SPARC: variants seen among roughly 807,000 people sequenced by gnomAD.
The protein encoded by SPARC is secreted protein acidic and cysteine rich, also known as basement-membrane protein 40.
SPARC carries 23 observed loss-of-function variants against 37.7 expected under a neutral mutation model. The observed-to-expected ratio is 0.61, with a 90% CI of 0.44 to 0.87. The LOEUF (loss-of-function observed/expected upper bound fraction) is 0.87, where lower values mean the gene tolerates loss of function less well. Among genes scored for constraint, SPARC ranks in the 40% least tolerant of loss-of-function variants. The pLI is 0.00. For synonymous variants in SPARC, 155 were observed against 150.8 expected (o/e 1.03, Z -0.20); for missense variants, 312 against 389.0 (o/e 0.80, Z 1.66).
In SPARC at chr5:151,667,501, T is replaced by C. The variant is rs1581520960; in HGVS notation, c.551A>G (p.Asp184Gly). Residue 184 changes from aspartate to glycine, a missense_variant, in exon 7 of 10, where the codon GAC (aspartate) becomes GGC (glycine). Transcript: ENST00000231061. Reference protein sequence around the residue: ...VLVTLYERDEDNNLLTEKQKL... With the variant: ...VLVTLYERDEGNNLLTEKQKL... ...CTGCTTCTCAGTCAGAAGGTTGTTGTCCTCATCCCTCTCATACAGGGTGAC... is the reference window on the plus strand; with the variant it reads ...CTGCTTCTCAGTCAGAAGGTTGTTGCCCTCATCCCTCTCATACAGGGTGAC... 2.5e-6 allele frequency: 4 copies of C among 1,614,210 alleles called. No homozygotes were observed. Among genetic ancestry groups the C allele is most frequent in the Non-Finnish European group, 3.4e-6 (4 of 1,180,028 alleles).
rs1760622331 is a variant in SPARC at position 151,666,457 on chromosome 5, A to G, written c.638T>C (p.Val213Ala). 6.2e-7 allele frequency: 1 copy of G among 1,614,048 alleles called. No individual in the cohort carries two copies. Among genetic ancestry groups the G allele is most frequent in the Non-Finnish European group, 8.5e-7 (1 of 1,180,006 alleles). The change falls in exon 8 of 10, where the codon GTG (valine) becomes GCG (alanine). Residue 213 changes from valine (V) to alanine (A), a missense_variant. Transcript: ENST00000231061. ...EKRLEAGDHPVELLARDFEKN... is the reference protein window; with the variant it reads ...EKRLEAGDHPAELLARDFEKN... Reference sequence around the variant, plus strand: ...CTCGAAGTCCCGGGCCAGCAGCTCCACGGGGTGGTCTCCTGCCTCCAGGCG... The same window carrying G: ...CTCGAAGTCCCGGGCCAGCAGCTCCGCGGGGTGGTCTCCTGCCTCCAGGCG...
chr5:151,666,536 A>T, intron 7 of SPARC, 27 bp from the exon 8 acceptor site: 1 of 1,609,652 alleles, frequency 6.2e-7, no homozygotes, highest in Non-Finnish European at 8.5e-7. Context: ...TGTGTGTGAC[A>T]AGAGGTCCAT....
intron 1 of SPARC, among the ~76,000 whole-genome samples, chr5:151,681,725 C>T (rs1760996267): frequency 6.6e-6 from 1 of 152,158 alleles, no homozygotes; most frequent in African/African-American, 2.4e-5. Flanking sequence ...AACCCCGTCT[C>T]TACTAAAAAT....
rs1274276629 is a variant in SPARC, at chr5:151,674,675, CT to C, written c.58-2del. ...TCTCATCAGGCAGGGCTTCTTGCTG[CT>C]GTTGGAAAGAGAAAGTAGCGTTCAG... On this transcript the variant is annotated splice_acceptor_variant, in intron 2 of 9. Coordinates refer to ENST00000231061, the MANE Select transcript of SPARC (RefSeq NM_003118.4). LOFTEE classifies it high-confidence loss of function. The C allele has an allele frequency of 6.2e-7, 1 of 1,614,128 alleles. No homozygotes were observed. The highest frequency in any genetic ancestry group is 1.1e-5 in the South Asian group (1 of 91,078).
At chr5:151,663,709 G>T in intron 9 of SPARC, 110 bp from the exon 10 acceptor site, 2 of 1,018,108 alleles carry the variant, frequency 2.0e-6, no homozygotes, top group South Asian at 1.3e-5. Flanking sequence ...GGTCTAGGTG[G>T]CCATGCAAGG....
intron 1 of SPARC, among the ~76,000 whole-genome samples, chr5:151,681,317 C>G (rs1760982167): frequency 6.6e-6 from 1 of 152,192 alleles, no homozygotes; most frequent in African/African-American, 2.4e-5. Context: ...GACACAGCAG[C>G]TCAGAGGTGG....
In SPARC at chr5:151,663,534, G is replaced by T; in HGVS notation, c.*37C>A. 1.2e-6 allele frequency: 2 copies of T among 1,600,750 alleles called. No individual in the cohort carries two copies. Among genetic ancestry groups the T allele is most frequent in the Non-Finnish European group, 1.7e-6 (2 of 1,168,054 alleles). On this transcript the variant is annotated 3_prime_UTR_variant, in exon 10 of 10. Coordinates refer to ENST00000231061, the MANE Select transcript of SPARC (RefSeq NM_003118.4). Reference sequence around the variant, plus strand: ...CATTGGGGGAAACACGAAGGGGAGGGTTAAAGAGAGAATCCGGTACTGTGG... The same window carrying T: ...CATTGGGGGAAACACGAAGGGGAGGTTTAAAGAGAGAATCCGGTACTGTGG...
chr5:151,671,749 C>G (rs887979651), intron 4 of SPARC, 55 bp from the exon 5 acceptor site: 97 of 1,605,722 alleles, frequency 6.0e-5, no homozygotes, highest in Non-Finnish European at 7.9e-5. Context: ...ACATCCACCC[C>G]CATCCTACCT....
intron 1 of SPARC, chr5:151,685,775 A>C (rs1761124982): frequency 6.6e-6 from 1 of 152,206 alleles, no homozygotes. Context: ...CTAATGAAAA[A>C]AATGCTGTCC....
In SPARC at chr5:151,666,386, G is replaced by A. The variant is rs1046675651; in HGVS notation, c.709C>T (p.Gln237Ter). The A allele has an allele frequency of 6.2e-7, 1 of 1,614,106 alleles. No individual in the cohort carries two copies. Among genetic ancestry groups the A allele is most frequent in the South Asian group, 1.1e-5 (1 of 91,066 alleles). ...YIFPVHWQFG[Q>*]LDQHPIDGYL... ...CCGTCAATGGGGTGCTGGTCCAGCT[G>A]GCCGAACTGCCAGTGTACAGGGAAG... Residue 237 changes from glutamine (Q) to a stop codon, truncating the protein, a stop_gained, in exon 8 of 10, where the codon CAG becomes TAG. Transcript: ENST00000231061. LOFTEE classifies it high-confidence loss of function.
chr5:151,667,382 C>T lies in SPARC; in HGVS notation c.585+85G>A, dbSNP rs908795094. 3.3e-6 allele frequency: 5 copies of T among 1,518,874 alleles called. No individual in the cohort carries two copies. In the Admixed American group the frequency reaches 6.7e-5, roughly 20 times the overall value. 94.1% of individuals were successfully genotyped at this position (1,518,874 alleles called of 1,614,324 possible). A position where few individuals can be genotyped will look rare whatever the true frequency, so the allele number is the denominator to read the frequency against. On this transcript the variant is annotated intron_variant, in intron 7 of 9. Coordinates refer to ENST00000231061, the MANE Select transcript of SPARC (RefSeq NM_003118.4). ...TAAATGCACGCTCCGGAGCAGGATG[C>T]CGCCCTGCAGCTGGGGGCCCAGTTC... is the stretch of plus-strand genomic sequence containing the variant.
intron 8 of SPARC, among the ~76,000 whole-genome samples, chr5:151,665,257 G>A (rs1288790915): frequency 1.3e-5 from 2 of 152,156 alleles, no homozygotes; most frequent in African/African-American, 2.4e-5. Context: ...CTCCCTCCAG[G>A]CCCTCTGTTG....
At chr5:151,684,406 TAGAAC>T (rs1271481055) in intron 1 of SPARC, among the ~76,000 whole-genome samples, 1 of 147,768 alleles carries the variant, frequency 6.8e-6, no homozygotes, top group African/African-American at 2.5e-5. Context: ...CACTGGGAGT[TAGAAC>T]ACACTTTTTT....
intron 5 of SPARC, among the ~76,000 whole-genome samples, chr5:151,671,028 T>A (rs1027650370): frequency 6.6e-6 from 1 of 152,134 alleles, no homozygotes; most frequent in Admixed American, 6.5e-5. Context: ...GATGGATGGA[T>A]CCTATTGGAG....
chr5:151,677,434 T>G (rs1447902013), intron 1 of SPARC, among the ~76,000 whole-genome samples: 1 of 152,142 alleles, frequency 6.6e-6, no homozygotes, highest in Non-Finnish European at 1.5e-5. Flanking sequence ...CCCTTATTTC[T>G]TCCAAGACTT....
intron 6 of SPARC, 108 bp downstream of exon 6, chr5:151,669,556 A>T: frequency 7.7e-7 from 1 of 1,295,022 alleles, no homozygotes; most frequent in Non-Finnish European, 1.1e-6. Flanking sequence ...AGAAAGGGAG[A>T]GAGATTTGCC....
In SPARC at chr5:151,684,022, T is replaced by C. The variant is rs181373240; in HGVS notation, c.-14+2843A>G. ...ACTGTTTACCTCACATCCTCAGCTC[T>C]TTCCTTTCCTTCACCATTCTTTCTT... On this transcript the variant is annotated intron_variant, in intron 1 of 9. Coordinates refer to ENST00000231061, the MANE Select transcript of SPARC (RefSeq NM_003118.4). 6.6e-5 allele frequency among the ~76,000 whole-genome samples: 10 copies of C among 152,370 alleles called. No homozygotes were observed. In the East Asian group the frequency reaches 1.5e-3, roughly 23 times the overall value.
chr5:151,671,654 G>A lies in SPARC; in HGVS notation c.249C>T (p.Cys83=), dbSNP rs767259382. The A allele has an allele frequency of 3.7e-6, 6 of 1,612,822 alleles. No individual in the cohort carries two copies. The highest frequency in any genetic ancestry group is 2.2e-5 in the South Asian group (2 of 90,980). ...TGGGGGTGTTGTTCTCATCCAGCTC[G>A]CACACCTTGCCGTGTTTGCAGTGGT... is the stretch of plus-strand genomic sequence containing the variant. ...QNHHCKHGKV[C]ELDENNTPMC... The change falls in exon 5 of 10, where the codon TGC becomes TGT. Residue 83 remains cysteine (C), a synonymous_variant. Transcript: ENST00000231061.
Position 151,667,598 on chromosome 5 carries a change from T to G in SPARC, c.454A>C (p.Ile152Leu), listed in dbSNP as rs887258352. 2 of 1,614,018 alleles carry G rather than the reference T, an allele frequency of 1.2e-6. No homozygotes were observed. The highest frequency in any genetic ancestry group is 1.7e-6 in the Non-Finnish European group (2 of 1,179,982). The part of the protein sequence containing the change: ...HLDYIGPCKY[I>L]PPCLDSELTE... ...AGCTCAGAGTCCAGGCAAGGGGGGA[T>G]GTCTAGGTTCCAAACACAAGGGCGG... Residue 152 changes from isoleucine to leucine, a missense_variant and splice_region_variant, in exon 7 of 10, where the codon ATC becomes CTC. Ile to Leu is a conservative substitution (Grantham distance 5). Coordinates refer to ENST00000231061, the MANE Select transcript of SPARC (RefSeq NM_003118.4).
Sources: allele counts gnomAD v4.1 joint callset (sites outside exome capture counted in the v4.1 genomes callset), GRCh38; gene constraint gnomAD v4.1.1; transcripts MANE v1.5; gene names NCBI Gene and HGNC (gene_info 2026-07-23, HGNC 2026-07-21).